ZNF225: variants seen among roughly 807,000 people sequenced by gnomAD.
The protein encoded by ZNF225 is zinc finger protein 225.
Under a neutral mutation model 12.0 loss-of-function variants are expected in ZNF225, and 6 were observed. That is an observed-to-expected ratio of 0.50 (90% CI 0.27 to 0.98). ZNF225 has a LOEUF of 0.98. Ranked by LOEUF, ZNF225 falls within the 50% of genes least tolerant of loss-of-function variation. The pLI is 0.11. For missense variants in ZNF225, 763 were observed against 848.2 expected (o/e 0.90, Z 1.25); for synonymous variants, 271 against 283.2 (o/e 0.96, Z 0.43).
Position 44,131,745 on chromosome 19 carries a change from T to G in ZNF225, c.1131T>G (p.Cys377Trp). The change falls in exon 5 of 5, where the codon TGT (cysteine) becomes TGG (tryptophan). Residue 377 changes from cysteine (C) to tryptophan (W), a missense_variant. Physicochemically the swap from Cys to Trp is radical, Grantham distance 215 (BLOSUM62 -2). Coordinates refer to ENST00000262894, the MANE Select transcript of ZNF225 (RefSeq NM_013362.4). Reference sequence around the variant, plus strand: ...AGAAGCCATATAATTGTAAAGAATGTGGAAAGAGCTTCAGATGGGCCTCAG... The same window carrying G: ...AGAAGCCATATAATTGTAAAGAATGGGGAAAGAGCTTCAGATGGGCCTCAG... The part of the protein sequence containing the change: ...TGEKPYNCKE[C>W]GKSFRWASGL... 1 of 1,614,212 alleles carries G rather than the reference T, an allele frequency of 6.2e-7. No individual in the cohort carries two copies. Among genetic ancestry groups the G allele is most frequent in the Non-Finnish European group, 8.5e-7 (1 of 1,180,024 alleles).
Position 44,131,678 on chromosome 19 carries a change from A to G in ZNF225, c.1064A>G (p.Tyr355Cys), listed in dbSNP as rs1329049567. ...GAGGAATGTGGAAAACGCTTCATTT[A>G]TAGGCAAGATCTTTATAAGCATCAG... is the stretch of plus-strand genomic sequence containing the variant. ...KCEECGKRFIYRQDLYKHQID... is the reference protein window; with the variant it reads ...KCEECGKRFICRQDLYKHQID... The change falls in exon 5 of 5, where the codon TAT becomes TGT. Residue 355 changes from tyrosine (Y) to cysteine (C), a missense_variant. Transcript: ENST00000262894. The G allele has an allele frequency of 1.9e-6, 3 of 1,614,164 alleles. No individual in the cohort carries two copies. Among genetic ancestry groups the G allele is most frequent in the Non-Finnish European group, 2.5e-6 (3 of 1,180,012 alleles).
At chr19:44,128,717 A>G in intron 4 of ZNF225, 1 of 250,670 alleles carries the variant, frequency 4.0e-6, no homozygotes, top group Non-Finnish European at 7.5e-6. Flanking sequence ...TACCTTTAGT[A>G]GGCATTTCAT....
chr19:44,117,462 G>A (rs1366681036), intron 2 of ZNF225, among the ~76,000 whole-genome samples: 3 of 152,170 alleles, frequency 2.0e-5, no homozygotes, highest in East Asian at 3.8e-4. Flanking sequence ...TAACATTCAG[G>A]GTTCAAGTAT....
intron 1 of ZNF225, chr19:44,114,062 G>C (rs975327774): frequency 4.9e-6 from 2 of 408,616 alleles, no homozygotes; most frequent in African/African-American, 2.1e-5. Context: ...GGCGAGGGTT[G>C]CATCCACTTC....
chr19:44,123,404 T>C lies in ZNF225; in HGVS notation c.235+4830T>C, dbSNP rs185418318. ...TTGGATTAAGTTACCTAGTATTTTG[T>C]TAAGGATTTTAGCATCAATGTTCAT... On this transcript the variant is annotated intron_variant, in intron 4 of 4. Coordinates refer to ENST00000262894, the MANE Select transcript of ZNF225 (RefSeq NM_013362.4). Among the ~76,000 whole-genome samples the C allele has an allele frequency of 4.4e-4, 67 of 152,324 alleles. 1 individual carries two copies. The highest frequency in any genetic ancestry group is 3.9e-3 in the Admixed American group (59 of 15,300).
chr19:44,124,978 T>C (rs1968120501), intron 4 of ZNF225, among the ~76,000 whole-genome samples: 1 of 152,226 alleles, frequency 6.6e-6, no homozygotes, highest in Non-Finnish European at 1.5e-5. Context: ...TGCAGTTCTG[T>C]ATCTTTTAAG....
chr19:44,125,670 A>C (rs1204452605), intron 4 of ZNF225, among the ~76,000 whole-genome samples: 1 of 152,144 alleles, frequency 6.6e-6, no homozygotes, highest in Non-Finnish European at 1.5e-5. Context: ...AGGAACACTG[A>C]TTATTCTTAG....
At chr19:44,120,913 T>G (rs1366286058) in intron 4 of ZNF225, among the ~76,000 whole-genome samples, 2 of 152,072 alleles carry the variant, frequency 1.3e-5, no homozygotes, top group Non-Finnish European at 2.9e-5. Context: ...CTTTTTTTTT[T>G]TTAAGCAGAG....
chr19:44,115,449 A>G (rs1309366717), intron 1 of ZNF225: 1 of 169,724 alleles, frequency 5.9e-6, no homozygotes, highest in African/African-American at 2.4e-5. Context: ...GGATCATGCA[A>G]TATGTGGGCC....
intron 1 of ZNF225, chr19:44,115,553 A>C: frequency 2.9e-6 from 1 of 345,242 alleles, no homozygotes; most frequent in East Asian, 4.7e-5. Context: ...TTTAATTTCC[A>C]AATAAGATTC....
chr19:44,113,120 T>C (rs532051064), upstream of ZNF225: 251 of 152,448 alleles, frequency 1.6e-3, no homozygotes, highest in Non-Finnish European at 2.4e-3. Flanking sequence ...AGGAGTGTAA[T>C]CCAAATGCTC....
intron 4 of ZNF225, among the ~76,000 whole-genome samples, chr19:44,125,943 T>G (rs1354591568): frequency 6.6e-6 from 1 of 152,186 alleles, no homozygotes; most frequent in Non-Finnish European, 1.5e-5. Flanking sequence ...CTTCACTTAT[T>G]GTATCATTTT....
rs554483857 is a variant in ZNF225, at chr19:44,123,440, G to A, written c.235+4866G>A. ...AGCATCAATGTTCATCAAGGATATC[G>A]GTCTGTAGTTTTCTTTTTTGATTAT... On this transcript the variant is annotated intron_variant, in intron 4 of 4. Transcript: ENST00000262894. 1.8e-4 allele frequency among the ~76,000 whole-genome samples: 27 copies of A among 152,134 alleles called. 1 individual carries two copies. In the South Asian group the frequency reaches 2.9e-3, roughly 16 times the overall value.
At chr19:44,117,045 T>C (rs370329145) in intron 2 of ZNF225, among the ~76,000 whole-genome samples, 1 of 152,124 alleles carries the variant, frequency 6.6e-6, no homozygotes, top group Admixed American at 6.5e-5. Context: ...AAATAGATTA[T>C]CAATTCTTTG....
chr19:44,114,254 C>A, intron 1 of ZNF225: 1 of 842,564 alleles, frequency 1.2e-6, no homozygotes, highest in Non-Finnish European at 2.0e-6. Flanking sequence ...GAGATGCTCA[C>A]CCCAACCGAG....
chr19:44,131,257 C>G lies in ZNF225; in HGVS notation c.643C>G (p.Gln215Glu). Residue 215 changes from glutamine (Q) to glutamate (E), a missense_variant, in exon 5 of 5, where the codon CAG becomes GAG. By Grantham distance (29) the Gln-to-Glu change is conservative (BLOSUM62 2). Transcript: ENST00000262894. ...TGATGTGTGTGGTAAGGAATTCAAT[C>G]AGAGCTCACATCTGCAAATTCATCA... ...NCDVCGKEFN[Q>E]SSHLQIHQRI... 1.9e-6 allele frequency: 3 copies of G among 1,614,200 alleles called. No homozygotes were observed. Among genetic ancestry groups the G allele is most frequent in the Middle Eastern group, 1.6e-4 (1 of 6,062 alleles).
intron 4 of ZNF225, among the ~76,000 whole-genome samples, chr19:44,118,826 T>C (rs1967995613): frequency 6.6e-6 from 1 of 151,952 alleles, no homozygotes. Context: ...GCTTCTTTTT[T>C]TTTTTTTTGA....
At position 44,132,096 on chromosome 19, in the gene ZNF225, T is replaced by C. The variant is rs1281491738; in HGVS notation, c.1482T>C (p.Thr494=). The change falls in exon 5 of 5, where the codon ACT becomes ACC. Residue 494 remains threonine (T), a synonymous_variant. Transcript: ENST00000262894. ...FKCEECGKRF[T]QNSQLYTHRR... is the part of the protein sequence containing the mutation. ...GTGAAGAATGTGGGAAAAGATTTAC[T>C]CAGAATTCACAACTTTATACCCATC... 5.6e-6 allele frequency: 9 copies of C among 1,613,322 alleles called. No homozygotes were observed. The highest frequency in any genetic ancestry group is 1.6e-4 in the Middle Eastern group (1 of 6,078).
intron 4 of ZNF225, among the ~76,000 whole-genome samples, chr19:44,123,300 A>G (rs1381428610): frequency 6.6e-6 from 1 of 152,042 alleles, no homozygotes. Context: ...ACATTTATTG[A>G]CTTGGGTATG....
Sources: gnomAD v4.1 joint callset for allele counts (sites outside exome capture counted in the v4.1 genomes callset) on GRCh38, gnomAD v4.1.1 for gene constraint, MANE v1.5 for transcripts, NCBI Gene and HGNC (gene_info 2026-07-23, HGNC 2026-07-21) for gene names.